The following MASTL variants were observed in gnomAD, a reference collection of about 807,000 sequenced individuals.
MASTL encodes the protein serine/threonine-protein kinase greatwall.
MASTL carries 54 observed loss-of-function variants against 82.5 expected under a neutral mutation model. The ratio of observed to expected loss-of-function variants is 0.65; its 90% CI spans 0.53 to 0.82. The LOEUF is 0.82. Among genes scored for constraint, MASTL ranks in the 40% least tolerant of loss-of-function variants. MASTL has a pLI of 0.00. For missense variants in MASTL, 950 were observed against 1,047.8 expected, an observed-to-expected ratio of 0.91 and a Z score of 1.29; for synonymous variants, 323 against 368.9, an observed-to-expected ratio of 0.88 and a Z score of 1.43.
intron 4 of MASTL, among the ~76,000 whole-genome samples, chr10:27,164,801 C>G (rs562659801): frequency 6.6e-6 from 1 of 152,060 alleles, no homozygotes; most frequent in Admixed American, 6.6e-5. Flanking sequence ...CCAAGACCAG[C>G]TACTTTTTGT....
chr10:27,170,810 G>T lies in MASTL; in HGVS notation c.1851G>T (p.Lys617Asn). 6.2e-7 allele frequency: 1 copy of T among 1,614,074 alleles called. No individual in the cohort carries two copies. Among genetic ancestry groups the T allele is most frequent in the Non-Finnish European group, 8.5e-7 (1 of 1,179,986 alleles). ...TTGTAACACCAGATTGCCAAGAAAA[G>T]ACCTCACCAAAAGGTGTCGAGAACC... The part of the protein sequence containing the change: ...PLIVTPDCQE[K>N]TSPKGVENPA... Residue 617 changes from lysine to asparagine, a missense_variant, in exon 8 of 12, where the codon AAG (lysine) becomes AAT (asparagine). Coordinates refer to ENST00000375940, the MANE Select transcript of MASTL (RefSeq NM_001172303.3).
In MASTL at chr10:27,186,666, A is replaced by G. The variant is rs2058771872; in HGVS notation, c.*130A>G. 1.2e-6 allele frequency: 1 copy of G among 861,752 alleles called. No individual in the cohort carries two copies. The highest frequency in any genetic ancestry group is 1.9e-6 in the Non-Finnish European group (1 of 514,126). The allele number at this position is 861,752 out of a possible 1,614,324, so 53.4% of individuals were successfully genotyped here. ...ACCTAGTTCAATGTGCTTTTAATGT[A>G]CGTTACAGCTTTCACAGAGTTAAAA... is the stretch of plus-strand genomic sequence containing the variant. On this transcript the variant is annotated 3_prime_UTR_variant, in exon 12 of 12. Transcript: ENST00000375940.
In MASTL at chr10:27,159,581, T is replaced by C. The variant is rs775368163; in HGVS notation, c.325-38T>C. Reference sequence around the variant, plus strand: ...ATACTAGATTTTTAAAGTAATCATATTGTTTTTATTTCACAATATTAAATT... The same window carrying C: ...ATACTAGATTTTTAAAGTAATCATACTGTTTTTATTTCACAATATTAAATT... On this transcript the variant is annotated intron_variant, in intron 2 of 11. Coordinates refer to ENST00000375940, the MANE Select transcript of MASTL (RefSeq NM_001172303.3). This position sits in a 1 kb window ranked among gnomAD's most constrained non-coding sequence, Gnocchi z 4.0. 1 of 1,362,464 alleles carries C rather than the reference T, an allele frequency of 7.3e-7. No individual in the cohort carries two copies. Among genetic ancestry groups the C allele is most frequent in the South Asian group, 1.2e-5 (1 of 84,576 alleles). The allele number at this position is 1,362,464 out of a possible 1,614,324, so 84.4% of individuals were successfully genotyped here. A position where few individuals can be genotyped will look rare whatever the true frequency, so the allele number is the denominator to read the frequency against.
chr10:27,165,157 G>T lies in MASTL; in HGVS notation c.647G>T (p.Ser216Ile). ...CCAGGACAAGTGTTATCGCTTATCA[G>T]CTCGTTGGGATTTGTAAGTACTTGA... Reference protein sequence around the residue: ...RTPGQVLSLISSLGFNTPIAE... With the variant: ...RTPGQVLSLIISLGFNTPIAE... Residue 216 changes from serine (S) to isoleucine (I), a missense_variant, in exon 5 of 12, where the codon AGC becomes ATC. Physicochemically the swap from Ser to Ile is moderately radical, Grantham distance 142 (BLOSUM62 -2). Transcript: ENST00000375940. The T allele has an allele frequency of 1.2e-6, 2 of 1,611,678 alleles. No individual in the cohort carries two copies. Among genetic ancestry groups the T allele is most frequent in the Non-Finnish European group, 8.5e-7 (1 of 1,177,878 alleles).
chr10:27,183,697 G>A (rs1177642681), intron 11 of MASTL, among the ~76,000 whole-genome samples: 1 of 152,060 alleles, frequency 6.6e-6, no homozygotes, highest in East Asian at 1.9e-4. Context: ...GGTGTTCCCT[G>A]TAATAATTTC....
chr10:27,156,267 G>T (rs3758406), intron 1 of MASTL, among the ~76,000 whole-genome samples: 91,289 of 151,916 alleles, frequency 0.6, 27,714 homozygotes, highest in Non-Finnish European at 0.65. Context: ...CTCGTATTCC[G>T]CCCGCCTCGG....
chr10:27,156,447 T>G (rs1348753455), intron 1 of MASTL, among the ~76,000 whole-genome samples: 1 of 152,248 alleles, frequency 6.6e-6, no homozygotes, highest in African/African-American at 2.4e-5. Flanking sequence ...TAGGCACTGA[T>G]AACTTTTTAA....
chr10:27,171,047 C>A lies in MASTL; in HGVS notation c.2088C>A (p.Thr696=). The A allele has an allele frequency of 6.2e-7, 1 of 1,613,908 alleles. No individual in the cohort carries two copies. The change falls in exon 8 of 12, where the codon ACC becomes ACA. Residue 696 remains threonine (T), a synonymous_variant. Coordinates refer to ENST00000375940, the MANE Select transcript of MASTL (RefSeq NM_001172303.3). ...AYSGSYPMAI[T]PTQKRRSCMP... is the part of the protein sequence containing the mutation. The stretch of plus-strand genomic sequence containing the variant: ...GTGGTTCATATCCCATGGCTATAAC[C>A]CCTACTCAAAAAAGAAGATCCTGTA...
intron 10 of MASTL, 118 bp downstream of exon 10, chr10:27,181,184 A>G (rs368451432): frequency 5.3e-6 from 4 of 750,772 alleles, no homozygotes; most frequent in African/African-American, 3.5e-5. Context: ...CAGGAGTTCG[A>G]GACCAGCCTG....
chr10:27,176,792 C>T (rs910172945), intron 9 of MASTL, among the ~76,000 whole-genome samples: 2 of 150,952 alleles, frequency 1.3e-5, no homozygotes, highest in African/African-American at 2.4e-5. Context: ...TTATTTATCT[C>T]CACTACAAAA....
At chr10:27,163,448 G>C (rs762330254) in intron 4 of MASTL, among the ~76,000 whole-genome samples, 2 of 152,040 alleles carry the variant, frequency 1.3e-5, no homozygotes, top group Non-Finnish European at 2.9e-5. Context: ...TTTGCATTAA[G>C]ATAAAATTGT....
At chr10:27,155,163 T>A (rs1185326886), upstream of MASTL, 1 of 517,674 alleles carries the variant, frequency 1.9e-6, no homozygotes, top group Admixed American at 3.3e-5. Flanking sequence ...GGCCCAGAAC[T>A]GTTTGTGCCT....
intron 4 of MASTL, among the ~76,000 whole-genome samples, chr10:27,164,664 G>A (rs1193485200): frequency 6.6e-6 from 1 of 151,960 alleles, no homozygotes; most frequent in Non-Finnish European, 1.5e-5. Flanking sequence ...TTGAGATAGA[G>A]TTTTGCTCTG....
intron 1 of MASTL, 149 bp downstream of exon 1, chr10:27,155,761 T>A: frequency 1.2e-6 from 1 of 855,200 alleles, no homozygotes. Flanking sequence ...AGCTGACTTC[T>A]TTTTGGGGCG....
chr10:27,186,438 A>G lies in MASTL; in HGVS notation c.2542A>G (p.Met848Val). 6.2e-7 allele frequency: 1 copy of G among 1,614,114 alleles called. No homozygotes were observed. The highest frequency in any genetic ancestry group is 1.1e-5 in the South Asian group (1 of 91,090). The change falls in exon 12 of 12, where the codon ATG becomes GTG. Residue 848 changes from methionine to valine, a missense_variant. Transcript: ENST00000375940. ...VDWENLQHQT[M>V]PFIPQPDDET... Reference sequence around the variant, plus strand: ...CTGGGAAAATCTGCAGCATCAGACTATGCCTTTCATCCCCCAGCCAGATGA... The same window carrying G: ...CTGGGAAAATCTGCAGCATCAGACTGTGCCTTTCATCCCCCAGCCAGATGA...
intron 8 of MASTL, 134 bp from the exon 9 acceptor site, chr10:27,172,982 CTT>C (rs2136096772): frequency 9.9e-7 from 1 of 1,008,248 alleles, no homozygotes; most frequent in Non-Finnish European, 1.5e-6. Flanking sequence ...ATTTTCAAAA[CTT>C]ATCAAAAATT....
chr10:27,184,174 G>A (rs2058496445), intron 11 of MASTL, among the ~76,000 whole-genome samples: 1 of 152,182 alleles, frequency 6.6e-6, no homozygotes, highest in Non-Finnish European at 1.5e-5. Context: ...AACAGTTACA[G>A]ACACAACATA....
chr10:27,177,239 T>C (rs973757022), intron 9 of MASTL, among the ~76,000 whole-genome samples: 3 of 152,172 alleles, frequency 2.0e-5, no homozygotes, highest in African/African-American at 7.2e-5. Context: ...ATATTGGCAA[T>C]AGACATATTT....
Position 27,180,982 on chromosome 10 carries a change from G to C in MASTL, c.2296G>C (p.Val766Leu). The change falls in exon 10 of 12, where the codon GTT becomes CTT. Residue 766 changes from valine to leucine, a missense_variant. Transcript: ENST00000375940. ...GPAVDWWALG[V>L]CLFEFLTGIP... ...TGCGGTAGACTGGTGGGCACTTGGA[G>C]TTTGCTTGTTTGAATTTCTAACAGG... 4 of 1,613,584 alleles carry C rather than the reference G, an allele frequency of 2.5e-6. No individual in the cohort carries two copies. Among genetic ancestry groups the C allele is most frequent in the Non-Finnish European group, 3.4e-6 (4 of 1,179,458 alleles).
Sources: allele counts gnomAD v4.1 joint callset (sites outside exome capture counted in the v4.1 genomes callset), GRCh38; gene constraint gnomAD v4.1.1; non-coding constraint Gnocchi (gnomAD v3.1); transcripts MANE v1.5; gene names NCBI Gene and HGNC (gene_info 2026-07-23, HGNC 2026-07-21).